The following USP6NL variants were observed in gnomAD, a reference collection of about 807,000 sequenced individuals.
The protein encoded by USP6NL is USP6 N-terminal-like protein.
A neutral mutation model predicts 61.9 loss-of-function variants in USP6NL; 26 were observed. The ratio of observed to expected loss-of-function variants is 0.42; its 90% CI spans 0.31 to 0.58. USP6NL has a LOEUF of 0.58. Ranked by LOEUF, USP6NL falls within the 20% of genes least tolerant of loss-of-function variation. USP6NL has a pLI of 0.16. For missense variants in USP6NL, 1,114 were observed against 1,034.3 expected, an observed-to-expected ratio of 1.08 and a Z score of -1.06; for synonymous variants, 432 against 390.1, an observed-to-expected ratio of 1.11 and a Z score of -1.27.
chr10:11,500,657 A>T (rs974888698), intron 7 of USP6NL, among the ~76,000 whole-genome samples: 3 of 152,112 alleles, frequency 2.0e-5, no homozygotes, highest in Admixed American at 1.3e-4. Context: ...CTTTTTTTTC[A>T]TGCTAGAAGA....
rs1588424638 is a variant in USP6NL at position 11,600,707 on chromosome 10, C to T, written c.-83-2990G>A. 1.3e-5 allele frequency among the ~76,000 whole-genome samples: 2 copies of T among 152,200 alleles called. No individual in the cohort carries two copies. Among genetic ancestry groups the T allele is most frequent in the South Asian group, 2.1e-4 (1 of 4,830 alleles). ...TTATCAGGCTGGGCACGGTGGCTCA[C>T]GCCTGTAATCCCAGCACTTTGGGAG... On this transcript the variant is annotated intron_variant, in intron 1 of 14. Coordinates refer to ENST00000609104, the MANE Select transcript of USP6NL (RefSeq NM_014688.5). This position sits in a 1 kb window ranked among gnomAD's most constrained non-coding sequence, Gnocchi z 4.1.
intron 2 of USP6NL, among the ~76,000 whole-genome samples, chr10:11,582,380 C>A (rs576016067): frequency 1.2e-4 from 19 of 152,328 alleles, no homozygotes; most frequent in Middle Eastern, 3.4e-3. Context: ...GAATTACAGG[C>A]GTGAGCCACG....
In USP6NL at chr10:11,462,631, G is replaced by T. The variant is rs770518314; in HGVS notation, c.2297C>A (p.Ala766Asp). The T allele has an allele frequency of 3.7e-6, 6 of 1,614,000 alleles. No homozygotes were observed. The Admixed American group carries it at 1.0e-4, about 27-fold the overall frequency. ...ASRGNLPKYS[A>D]FQLAPFQDHG... The stretch of plus-strand genomic sequence containing the variant: ...GTCCTGAAAGGGTGCGAGTTGAAAG[G>T]CTGAGTATTTTGGTAAATTGCCACG... The change falls in exon 15 of 15, where the codon GCC (alanine) becomes GAC (aspartate). Residue 766 changes from alanine to aspartate, a missense_variant. Physicochemically the swap from Ala to Asp is moderately radical, Grantham distance 126. Transcript: ENST00000609104.
At chr10:11,488,174 G>A (rs1201910113) in intron 10 of USP6NL, among the ~76,000 whole-genome samples, 1 of 152,164 alleles carries the variant, frequency 6.6e-6, no homozygotes, top group Non-Finnish European at 1.5e-5. Context: ...TATTTTGGGA[G>A]GCTGAGGCGG....
At chr10:11,558,690 C>T (rs1466347634) in intron 2 of USP6NL, among the ~76,000 whole-genome samples, 2 of 152,150 alleles carry the variant, frequency 1.3e-5, no homozygotes, top group East Asian at 3.8e-4. Context: ...CATCTATTTA[C>T]CTCAATATAA....
rs758373915 is a variant in USP6NL at position 11,513,671 on chromosome 10, G to A, written c.196-3996C>T. ...TCCCTAAATATTTCAAGTACGTATCGCCTAAGAATGAAAACACATTATCCT... is the reference window on the plus strand; with the variant it reads ...TCCCTAAATATTTCAAGTACGTATCACCTAAGAATGAAAACACATTATCCT... On this transcript the variant is annotated intron_variant, in intron 5 of 14. Coordinates refer to ENST00000609104, the MANE Select transcript of USP6NL (RefSeq NM_014688.5). The surrounding 1 kb of genome is among the most constrained non-coding windows in gnomAD (Gnocchi z 4.7). Among the ~76,000 whole-genome samples the A allele has an allele frequency of 1.6e-4, 25 of 152,042 alleles. 1 individual carries two copies. Among genetic ancestry groups the A allele is most frequent in the South Asian group, 2.1e-4 (1 of 4,824 alleles).
chr10:11,488,063 C>G (rs1040861021), intron 10 of USP6NL, among the ~76,000 whole-genome samples: 5 of 152,114 alleles, frequency 3.3e-5, no homozygotes, highest in Non-Finnish European at 7.3e-5. Flanking sequence ...TTTGATGGCA[C>G]TGGGAAAATA....
At chr10:11,545,474 C>T (rs527890014) in intron 2 of USP6NL, among the ~76,000 whole-genome samples, 5 of 152,338 alleles carry the variant, frequency 3.3e-5, no homozygotes, top group East Asian at 1.9e-4. Flanking sequence ...CTTCTCTACG[C>T]GTGAACAGCA....
intron 2 of USP6NL, among the ~76,000 whole-genome samples, chr10:11,543,644 A>G (rs982410537): frequency 1.3e-5 from 2 of 152,096 alleles, no homozygotes; most frequent in Non-Finnish European, 1.5e-5. Context: ...AAATAACAGT[A>G]GTAGAATGTA....
intron 1 of USP6NL, among the ~76,000 whole-genome samples, chr10:11,610,832 C>A (rs570392692): frequency 1.3e-5 from 2 of 152,152 alleles, no homozygotes; most frequent in East Asian, 3.9e-4. Context: ...CCCATGGATT[C>A]CTACGCGTCC....
In USP6NL at chr10:11,462,943, G is replaced by A. The variant is rs781588101; in HGVS notation, c.1985C>T (p.Thr662Ile). 1.9e-6 allele frequency: 3 copies of A among 1,613,580 alleles called. No individual in the cohort carries two copies. The African/African-American group carries it at 4.0e-5, about 22-fold the overall frequency. Reference sequence around the variant, plus strand: ...AGGTCTCCTGGAAGGATTCAGTTGAGTCCCAGGGCTAAACTGTGGAGAAGC... The same window carrying A: ...AGGTCTCCTGGAAGGATTCAGTTGAATCCCAGGGCTAAACTGTGGAGAAGC... ...SFASPQFSPG[T>I]QLNPSRRPHG... is the part of the protein sequence containing the mutation. Residue 662 changes from threonine (T) to isoleucine (I), a missense_variant, in exon 15 of 15, where the codon ACT becomes ATT. Thr to Ile is a moderately conservative substitution (Grantham distance 89). Coordinates refer to ENST00000609104, the MANE Select transcript of USP6NL (RefSeq NM_014688.5).
At chr10:11,536,215 G>A (rs548098421) in intron 2 of USP6NL, among the ~76,000 whole-genome samples, 2 of 152,240 alleles carry the variant, frequency 1.3e-5, no homozygotes, top group African/African-American at 4.8e-5. Context: ...CCTACCACTG[G>A]TGGTCCTGTA....
chr10:11,572,375 A>G (rs937402200), intron 2 of USP6NL, among the ~76,000 whole-genome samples: 1 of 152,108 alleles, frequency 6.6e-6, no homozygotes, highest in Non-Finnish European at 1.5e-5. Flanking sequence ...AAATAACTGT[A>G]AAGTATCCTA....
rs1832565624 is a variant in USP6NL at position 11,468,295 on chromosome 10, C to T, written c.1079-4446G>A. On this transcript the variant is annotated intron_variant, in intron 14 of 14. Coordinates refer to ENST00000609104, the MANE Select transcript of USP6NL (RefSeq NM_014688.5). This position sits in a 1 kb window ranked among gnomAD's most constrained non-coding sequence, Gnocchi z 4.5. ...TGGCTCCACATCCTTTCCCAGATGA[C>T]TGTCAATCACAGTTCACTCAGTCGA... Among the ~76,000 whole-genome samples, 1 of 152,206 alleles carries T rather than the reference C, an allele frequency of 6.6e-6. No homozygotes were observed. Among genetic ancestry groups the T allele is most frequent in the South Asian group, 2.1e-4 (1 of 4,830 alleles).
In USP6NL at chr10:11,525,414, T is replaced by G; in HGVS notation, c.127A>C (p.Lys43Gln). Residue 43 changes from lysine (K) to glutamine (Q), a missense_variant, in exon 4 of 15, where the codon AAA becomes CAA. Transcript: ENST00000609104. This position sits in a 1 kb window ranked among gnomAD's most constrained non-coding sequence, Gnocchi z 5.0. ...AAAAAGCCAAATCTATCTGTGACTT[T>G]GTAAACAAGGTAATCAGCATCTTCC... ...PWEDADYLVY[K>Q]VTDRFGFLHE... 1.9e-6 allele frequency: 3 copies of G among 1,601,074 alleles called. No individual in the cohort carries two copies. Among genetic ancestry groups the G allele is most frequent in the Non-Finnish European group, 2.5e-6 (3 of 1,176,740 alleles).
At chr10:11,530,341 C>G (rs1471024394) in intron 2 of USP6NL, among the ~76,000 whole-genome samples, 2 of 152,072 alleles carry the variant, frequency 1.3e-5, no homozygotes, top group African/African-American at 2.4e-5. Flanking sequence ...AGTGTAAAGG[C>G]AAGGACTGGG....
At chr10:11,483,643 G>GA (rs1833327128) in intron 13 of USP6NL, among the ~76,000 whole-genome samples, 1 of 1,128 alleles carries the variant, frequency 8.9e-4, no homozygotes, top group Non-Finnish European at 3.0e-3. Context: ...GAGAGGGGGA[G>GA]GGGGAGAGGG....
intron 4 of USP6NL, among the ~76,000 whole-genome samples, chr10:11,519,137 C>T (rs1835096028): frequency 6.6e-6 from 1 of 152,148 alleles, no homozygotes; most frequent in African/African-American, 2.4e-5. Flanking sequence ...GCTCTGTTCC[C>T]ACGAAACTTT....
intron 1 of USP6NL, among the ~76,000 whole-genome samples, chr10:11,601,280 A>G (rs1337681246): frequency 6.6e-6 from 1 of 152,172 alleles, no homozygotes; most frequent in Admixed American, 6.5e-5. Context: ...TACCACTTAT[A>G]TAACAGTCCA....
Sources: allele counts gnomAD v4.1 joint callset (sites outside exome capture counted in the v4.1 genomes callset), GRCh38; gene constraint gnomAD v4.1.1; non-coding constraint Gnocchi (gnomAD v3.1); transcripts MANE v1.5; gene names NCBI Gene and HGNC (gene_info 2026-07-23, HGNC 2026-07-21).